Variants in AR observed in about 807,000 individuals in gnomAD.
AR encodes androgen receptor.
A neutral mutation model predicts 53.9 loss-of-function variants in AR; 8 were observed. That is an observed-to-expected ratio of 0.15 (90% CI 0.09 to 0.27). The LOEUF is 0.27. Among genes scored for constraint, AR ranks in the 10% least tolerant of loss-of-function variants. The probability of loss-of-function intolerance (pLI) is 1.00; values close to 1 mark genes in which losing one functional copy is unlikely to be tolerated. For missense variants in AR, 639 were observed against 742.5 expected, an observed-to-expected ratio of 0.86 and a Z score of 1.62; for synonymous variants, 359 against 316.4, an observed-to-expected ratio of 1.13 and a Z score of -1.43.
At chrX:67,638,894 C>A (rs1005417630) in intron 1 of AR, among the ~76,000 whole-genome samples, 11 of 111,801 alleles carry the variant, frequency 9.8e-5, no homozygotes, top group African/African-American at 3.6e-4. Flanking sequence ...GTCATGTAGT[C>A]TTTGCCCATG....
intron 2 of AR, among the ~76,000 whole-genome samples, chrX:67,661,417 G>A (rs1926908796): frequency 1.8e-5 from 2 of 110,924 alleles, no homozygotes; most frequent in Non-Finnish European, 3.8e-5. Flanking sequence ...AGAGTTTTTA[G>A]CATGAAGCGC....
At chrX:67,676,389 C>T (rs1225233218) in intron 2 of AR, among the ~76,000 whole-genome samples, 2 of 112,285 alleles carry the variant, frequency 1.8e-5, no homozygotes, top group African/African-American at 6.5e-5. Flanking sequence ...TAGTCTGTTG[C>T]AGAGATAACC....
chrX:67,570,602 A>T (rs1921771957), intron 1 of AR, among the ~76,000 whole-genome samples: 1 of 111,382 alleles, frequency 9.0e-6, no homozygotes, highest in Non-Finnish European at 1.9e-5. Context: ...GCTGCATAAG[A>T]ACTATGTTCT....
intron 1 of AR, among the ~76,000 whole-genome samples, chrX:67,592,379 A>T (rs950076839): frequency 8.9e-6 from 1 of 112,137 alleles, no homozygotes; most frequent in African/African-American, 3.2e-5. Flanking sequence ...CTTCCTAAAA[A>T]GATTTTGAAT....
intron 1 of AR, among the ~76,000 whole-genome samples, chrX:67,598,349 C>A (rs757666303): frequency 1.3e-4 from 14 of 105,132 alleles, no homozygotes; most frequent in Non-Finnish European, 2.5e-4. Context: ...GTGGCACGAT[C>A]TCGGCTCACT....
intron 3 of AR, among the ~76,000 whole-genome samples, chrX:67,704,417 T>A (rs1427361661): frequency 8.9e-6 from 1 of 111,758 alleles, no homozygotes; most frequent in Non-Finnish European, 1.9e-5. Flanking sequence ...CATTTTTTCA[T>A]GTGTCTGTTG....
intron 1 of AR, among the ~76,000 whole-genome samples, chrX:67,595,335 C>T (rs1324459993): frequency 3.7e-5 from 4 of 109,489 alleles, no homozygotes; most frequent in Non-Finnish European, 7.6e-5. Flanking sequence ...AAATCAAGGC[C>T]TGCCATGGCA....
At chrX:67,662,280 T>A (rs1044951105) in intron 2 of AR, among the ~76,000 whole-genome samples, 6 of 111,469 alleles carry the variant, frequency 5.4e-5, no homozygotes, top group Non-Finnish European at 9.4e-5. Flanking sequence ...TTAATTGTGA[T>A]GTTAGGGTTT....
intron 3 of AR, among the ~76,000 whole-genome samples, chrX:67,687,005 G>C (rs2075970535): frequency 9.0e-6 from 1 of 111,713 alleles, no homozygotes; most frequent in African/African-American, 3.3e-5. Context: ...TGTCTTTCAT[G>C]AGAAAAACAA....
intron 1 of AR, among the ~76,000 whole-genome samples, chrX:67,630,209 C>T (rs1453675493): frequency 2.7e-5 from 3 of 110,654 alleles, no homozygotes; most frequent in South Asian, 3.9e-4. Flanking sequence ...CTTTCTGTCT[C>T]GTTGATCTGT....
intron 3 of AR, among the ~76,000 whole-genome samples, chrX:67,705,790 A>G (rs1200138619): frequency 9.0e-6 from 1 of 111,111 alleles, no homozygotes; most frequent in Non-Finnish European, 1.9e-5. Flanking sequence ...GTTTGTCATA[A>G]ATAGCTCTTA....
chrX:67,564,471 G>A (rs188690659), intron 1 of AR, among the ~76,000 whole-genome samples: 4 of 112,135 alleles, frequency 3.6e-5, no homozygotes, highest in African/African-American at 9.7e-5. Context: ...TTATTGGTAT[G>A]TTCAGGAGTT....
intron 3 of AR, among the ~76,000 whole-genome samples, chrX:67,704,567 TG>T (rs1337277101): frequency 2.7e-5 from 3 of 111,990 alleles, no homozygotes; most frequent in African/African-American, 6.5e-5. Flanking sequence ...GATGAGTAGA[TG>T]GAAAAAATTT....
In AR at chrX:67,546,386, C is replaced by T. The variant is rs1460949411; in HGVS notation, c.1240C>T (p.Leu414=). ...AQCRYGDLAS[L]HGAGAAGPGS... ...GTGCCGCTATGGGGACCTGGCGAGC[C>T]TGCATGGCGCGGGTGCAGCGGGACC... Residue 414 remains leucine, a synonymous_variant, in exon 1 of 8, where the codon CTG becomes TTG. Transcript: ENST00000374690. 1 of 1,184,502 alleles carries T rather than the reference C, an allele frequency of 8.4e-7. No individual in the cohort carries two copies.
intron 3 of AR, among the ~76,000 whole-genome samples, chrX:67,707,003 G>A (rs1222912802): frequency 8.9e-6 from 1 of 112,096 alleles, no homozygotes; most frequent in Non-Finnish European, 1.9e-5. Context: ...TTGCACTGTG[G>A]TCTGAGAGAC....
At chrX:67,691,481 G>T (rs1269402498) in intron 3 of AR, among the ~76,000 whole-genome samples, 1 of 112,100 alleles carries the variant, frequency 8.9e-6, no homozygotes, top group African/African-American at 3.2e-5. Context: ...AGGTCCTGGT[G>T]AATACTGCGG....
At position 67,729,921 on chromosome X, in the gene AR, G is replaced by T. The variant is rs989246802; in HGVS notation, c.*6080G>T. On this transcript the variant is annotated 3_prime_UTR_variant, in exon 8 of 8. Transcript: ENST00000374690. ...CCTACAGTGAAGTGCCTGGGGGGTTGTCCTATCCCATAAGCCACTTGGATG... is the reference window on the plus strand; with the variant it reads ...CCTACAGTGAAGTGCCTGGGGGGTTTTCCTATCCCATAAGCCACTTGGATG... 5.9e-6 allele frequency: 1 copy of T among 170,637 alleles called. No homozygotes were observed. The highest frequency in any genetic ancestry group is 3.0e-5 in the African/African-American group (1 of 33,039). 14.1% of individuals were successfully genotyped at this position (170,637 alleles called of 1,213,427 possible). A position where few individuals can be genotyped will look rare whatever the true frequency, so the allele number is the denominator to read the frequency against.
intron 2 of AR, among the ~76,000 whole-genome samples, chrX:67,647,925 T>C (rs1186666948): frequency 3.6e-5 from 4 of 112,289 alleles, no homozygotes; most frequent in African/African-American, 1.3e-4. Context: ...TTTAATATTA[T>C]TTTTCTTTTT....
intron 3 of AR, among the ~76,000 whole-genome samples, chrX:67,691,598 G>A (rs1042550013): frequency 1.8e-5 from 2 of 111,344 alleles, no homozygotes; most frequent in African/African-American, 6.5e-5. Context: ...ACTGTTCTCT[G>A]GAATACACTT....
Sources: gnomAD v4.1 joint callset for allele counts (sites outside exome capture counted in the v4.1 genomes callset) on GRCh38, gnomAD v4.1.1 for gene constraint, MANE v1.5 for transcripts, NCBI Gene and HGNC (gene_info 2026-07-23, HGNC 2026-07-21) for gene names.